Variants in ZNF532 observed in about 807,000 individuals in gnomAD.
ZNF532 encodes the protein zinc finger protein 532.
ZNF532 carries 22 observed loss-of-function variants against 89.3 expected under a neutral mutation model. The observed-to-expected ratio is 0.25, with a 90% CI of 0.18 to 0.35. The LOEUF is 0.35. Among genes scored for constraint, ZNF532 ranks in the 10% least tolerant of loss-of-function variants. The probability of loss-of-function intolerance (pLI) is 1.00; values close to 1 mark genes in which losing one functional copy is unlikely to be tolerated. For missense variants in ZNF532, 1,132 were observed against 1,643.4 expected, an observed-to-expected ratio of 0.69 and a Z score of 5.38; for synonymous variants, 606 against 649.6, an observed-to-expected ratio of 0.93 and a Z score of 1.02.
chr18:58,870,627 T>TAG (rs1568204914), intron 2 of ZNF532, among the ~76,000 whole-genome samples: 2 of 152,002 alleles, frequency 1.3e-5, no homozygotes, highest in African/African-American at 4.8e-5. Context: ...GAGGTTGGAA[T>TAG]AGAGGCTGTA....
chr18:58,949,514 A>G (rs1262830601), intron 6 of ZNF532, among the ~76,000 whole-genome samples: 2 of 152,168 alleles, frequency 1.3e-5, no homozygotes, highest in African/African-American at 4.8e-5. Flanking sequence ...CGTCTCTACT[A>G]AAAATACAAA....
At chr18:58,917,515 G>C (rs549390245) in intron 2 of ZNF532, among the ~76,000 whole-genome samples, 11 of 152,132 alleles carry the variant, frequency 7.2e-5, no homozygotes, top group African/African-American at 2.4e-4. Flanking sequence ...CGGGTCGGGG[G>C]AAGAGCCCCT....
chr18:58,938,881 A>C (rs1257365762), intron 4 of ZNF532, among the ~76,000 whole-genome samples: 2 of 152,176 alleles, frequency 1.3e-5, no homozygotes, highest in Non-Finnish European at 2.9e-5. Flanking sequence ...TCCATTCTTA[A>C]AAATGTTAAA....
intron 7 of ZNF532, among the ~76,000 whole-genome samples, chr18:58,973,967 G>A (rs1478522840): frequency 6.6e-6 from 1 of 152,178 alleles, no homozygotes; most frequent in African/African-American, 2.4e-5. Context: ...ATCCCTGGCT[G>A]CTAAGAGCGG....
At chr18:58,934,687 C>T in intron 4 of ZNF532, 73 bp downstream of exon 4, 1 of 1,458,346 alleles carries the variant, frequency 6.9e-7, no homozygotes, top group Non-Finnish European at 9.4e-7. Context: ...GAGTGGTTTG[C>T]ACACACAGTT....
chr18:58,869,869 C>T (rs1397491652), intron 2 of ZNF532, among the ~76,000 whole-genome samples: 2 of 148,276 alleles, frequency 1.3e-5, no homozygotes, highest in African/African-American at 2.5e-5. Context: ...CAGGTTCAAG[C>T]GATTCTCCTG....
chr18:58,962,847 C>T (rs1250137241), intron 7 of ZNF532, among the ~76,000 whole-genome samples: 3 of 151,930 alleles, frequency 2.0e-5, no homozygotes, highest in Non-Finnish European at 4.4e-5. Context: ...GTGATCTGCC[C>T]GCCTCGGCCT....
rs2060818933 is a variant in ZNF532 at position 58,919,029 on chromosome 18, A to G, written c.742A>G (p.Lys248Glu). ...CCTAGATGGGAAGCTGAGCTCCGAG[A>G]AGAATGACACCAGCCTCCCCAGCGT... is the stretch of plus-strand genomic sequence containing the variant. ...RVLDGKLSSE[K>E]NDTSLPSVAP... The change falls in exon 3 of 10, where the codon AAG becomes GAG. Residue 248 changes from lysine (K) to glutamate (E), a missense_variant. This residue lies in a region of ZNF532 where 302 missense variants were observed against 319.8 expected (regional missense o/e 0.94). Transcript: ENST00000591808. The surrounding 1 kb of genome is among the most constrained non-coding windows in gnomAD (Gnocchi z 6.1). 1.2e-6 allele frequency: 2 copies of G among 1,613,876 alleles called. No individual in the cohort carries two copies.
intron 7 of ZNF532, among the ~76,000 whole-genome samples, chr18:58,973,454 C>T (rs1368069038): frequency 1.3e-5 from 2 of 152,146 alleles, no homozygotes; most frequent in Non-Finnish European, 2.9e-5. Flanking sequence ...CAAATTAAAA[C>T]CACAACAAAA....
chr18:58,966,656 G>A (rs1019249943), intron 7 of ZNF532, among the ~76,000 whole-genome samples: 1 of 150,540 alleles, frequency 6.6e-6, no homozygotes, highest in African/African-American at 2.4e-5. Flanking sequence ...AGACTAACAC[G>A]TTATTTTGAA....
chr18:58,924,065 C>T (rs575494901), intron 3 of ZNF532, among the ~76,000 whole-genome samples: 9 of 152,262 alleles, frequency 5.9e-5, no homozygotes, highest in East Asian at 1.9e-4. Flanking sequence ...CCATGTTGGC[C>T]GGGCTGGTCT....
At chr18:58,963,868 C>T (rs1568435311) in intron 7 of ZNF532, among the ~76,000 whole-genome samples, 1 of 151,584 alleles carries the variant, frequency 6.6e-6, no homozygotes, top group African/African-American at 2.4e-5. Context: ...CCCACACAAC[C>T]TGGAACCTAG....
At chr18:58,922,076 C>T (rs2061138397) in intron 3 of ZNF532, among the ~76,000 whole-genome samples, 1 of 151,608 alleles carries the variant, frequency 6.6e-6, no homozygotes, top group Admixed American at 6.6e-5. Context: ...CACGGCACTC[C>T]AGCCTCAGGT....
chr18:58,892,916 G>A (rs541216800), intron 2 of ZNF532, among the ~76,000 whole-genome samples: 81 of 151,886 alleles, frequency 5.3e-4, no homozygotes, highest in Non-Finnish European at 9.7e-4. Context: ...AGGAATGCTT[G>A]TCAATTAACT....
intron 7 of ZNF532, among the ~76,000 whole-genome samples, chr18:58,970,541 A>G (rs1381307831): frequency 6.6e-5 from 10 of 152,230 alleles, no homozygotes; most frequent in African/African-American, 2.2e-4. Context: ...TCTCTGGTGA[A>G]TGTTTCAGAG....
intron 2 of ZNF532, among the ~76,000 whole-genome samples, chr18:58,904,991 GACAC>G (rs1427014923): frequency 1.3e-5 from 2 of 151,940 alleles, no homozygotes; most frequent in Non-Finnish European, 2.9e-5. Context: ...ACAGGTGCGT[GACAC>G]CATGGCCGGC....
chr18:58,901,095 G>A (rs1272988037), intron 2 of ZNF532, among the ~76,000 whole-genome samples: 1 of 152,140 alleles, frequency 6.6e-6, no homozygotes, highest in Non-Finnish European at 1.5e-5. Context: ...TACCTTCATA[G>A]TATTGACCCA....
At chr18:58,870,318 A>G (rs2056875217) in intron 2 of ZNF532, among the ~76,000 whole-genome samples, 1 of 152,170 alleles carries the variant, frequency 6.6e-6, no homozygotes, top group Non-Finnish European at 1.5e-5. Context: ...CCCAGAAGCT[A>G]TGATAGGAAT....
intron 4 of ZNF532, among the ~76,000 whole-genome samples, chr18:58,938,735 T>G (rs1303560203): frequency 6.6e-6 from 1 of 152,200 alleles, no homozygotes; most frequent in East Asian, 1.9e-4. Context: ...GTTCTTGGCA[T>G]GCAGGTTTAG....
Sources: gnomAD v4.1 joint callset for allele counts (sites outside exome capture counted in the v4.1 genomes callset) on GRCh38, gnomAD v4.1.1 for gene constraint, gnomAD v4.1.1 regional missense constraint, Gnocchi (gnomAD v3.1) non-coding constraint, MANE v1.5 for transcripts, NCBI Gene and HGNC (gene_info 2026-07-23, HGNC 2026-07-21) for gene names.